TMED3: variants seen among roughly 807,000 people sequenced by gnomAD.
The protein encoded by TMED3 is transmembrane emp24 domain-containing protein 3.
TMED3 carries 9 observed loss-of-function variants against 15.0 expected under a neutral mutation model. The observed-to-expected ratio is 0.60, with a 90% CI of 0.36 to 1.04. TMED3 has a LOEUF of 1.04. TMED3 is among the 50% of genes least tolerant of loss of function. TMED3 has a pLI of 0.01. For missense variants in TMED3, 267 were observed against 278.9 expected, an observed-to-expected ratio of 0.96 and a Z score of 0.30; for synonymous variants, 117 against 121.4, an observed-to-expected ratio of 0.96 and a Z score of 0.24.
chr15:79,313,821 A>G lies in TMED3; in HGVS notation c.233A>G (p.Tyr78Cys), dbSNP rs1309105410. 3 of 1,614,246 alleles carry G rather than the reference A, an allele frequency of 1.9e-6. No individual in the cohort carries two copies. The highest frequency in any genetic ancestry group is 3.3e-5 in the Admixed American group (2 of 60,038). The change falls in exon 2 of 3, where the codon TAC becomes TGC. Residue 78 changes from tyrosine (Y) to cysteine (C), a missense_variant. By Grantham distance (194) the Tyr-to-Cys change is radical. This residue lies in a region of TMED3 where 69 missense variants were observed against 106.8 expected (regional missense o/e 0.65). Transcript: ENST00000299705. ...YVEDPQGNTI[Y>C]RETKKQYDSF... ...GAGGACCCCCAGGGGAACACCATCT[A>G]CAGAGAAACGAAGAAGCAGTACGAC... is the stretch of plus-strand genomic sequence containing the variant.
At chr15:79,344,868 T>C (rs932438073) in intron 2 of TMED3, among the ~76,000 whole-genome samples, 1 of 152,164 alleles carries the variant, frequency 6.6e-6, no homozygotes, top group Non-Finnish European at 1.5e-5. Flanking sequence ...GAGACAATGT[T>C]TTATAGGAGT....
At chr15:79,382,951 T>A in intron 2 of TMED3, 1 of 1,535,392 alleles carries the variant, frequency 6.5e-7, no homozygotes, top group Non-Finnish European at 8.7e-7. Context: ...ATAAACACGA[T>A]TTATTTCTTT....
At chr15:79,358,224 G>A (rs1016977066) in intron 2 of TMED3, among the ~76,000 whole-genome samples, 1 of 152,206 alleles carries the variant, frequency 6.6e-6, no homozygotes, top group Non-Finnish European at 1.5e-5. Flanking sequence ...GGAATTTTCT[G>A]GGGGCCTGCT....
chr15:79,390,295 T>C, intron 2 of TMED3, among the ~76,000 whole-genome samples: 1 of 152,198 alleles, frequency 6.6e-6, no homozygotes, highest in Non-Finnish European at 1.5e-5. Context: ...GTTATAATCA[T>C]GAAGCAATGA....
intron 2 of TMED3, among the ~76,000 whole-genome samples, chr15:79,347,765 A>G (rs2058876249): frequency 6.6e-6 from 1 of 152,190 alleles, no homozygotes; most frequent in Non-Finnish European, 1.5e-5. Flanking sequence ...CAAATCCAGG[A>G]ATGCAATCTC....
At position 79,311,390 on chromosome 15, in the gene TMED3, G is replaced by C. The variant is rs773225827; in HGVS notation, c.141G>C (p.Gln47His). 1.2e-6 allele frequency: 2 copies of C among 1,611,726 alleles called. No homozygotes were observed. The highest frequency in any genetic ancestry group is 3.3e-5 in the Admixed American group (2 of 59,910). The change falls in exon 1 of 3, where the codon CAG (glutamine) becomes CAC (histidine). Residue 47 changes from glutamine to histidine, a missense_variant. Gln to His is a conservative substitution (Grantham distance 24, BLOSUM62 0). Around this residue, in one of 3 missense-constraint regions of TMED3, gnomAD observed 69 missense variants for 106.8 expected, o/e 0.65. Coordinates refer to ENST00000299705, the MANE Select transcript of TMED3 (RefSeq NM_007364.4). ...AGTGCTTCCACGAGGAGGTGGAGCAGGGCGTGAAGTTCTCCCTGGATTACC... is the reference window on the plus strand; with the variant it reads ...AGTGCTTCCACGAGGAGGTGGAGCACGGCGTGAAGTTCTCCCTGGATTACC... ...AKQCFHEEVE[Q>H]GVKFSLDYQV...
chr15:79,369,550 G>A (rs749571257), intron 2 of TMED3, among the ~76,000 whole-genome samples: 4 of 152,160 alleles, frequency 2.6e-5, no homozygotes, highest in African/African-American at 7.2e-5. Flanking sequence ...ACCAGACCTC[G>A]CTCTTGTTAA....
chr15:79,354,932 A>C (rs532828065), intron 2 of TMED3, among the ~76,000 whole-genome samples: 50 of 152,212 alleles, frequency 3.3e-4, no homozygotes, highest in African/African-American at 1.1e-3. Context: ...TTAGCCCCAT[A>C]ATGCCCTCTA....
chr15:79,366,066 A>G (rs1401126075), intron 2 of TMED3, among the ~76,000 whole-genome samples: 3 of 152,138 alleles, frequency 2.0e-5, no homozygotes, highest in African/African-American at 7.2e-5. Context: ...GGACATATAA[A>G]CAAAAAGAGG....
At chr15:79,400,956 A>G (rs1399318482) in intron 2 of TMED3, among the ~76,000 whole-genome samples, 2 of 152,208 alleles carry the variant, frequency 1.3e-5, no homozygotes, top group Non-Finnish European at 2.9e-5. Context: ...CCTATTTTCT[A>G]GACCAGGAAC....
At chr15:79,385,623 C>T (rs182399596) in intron 2 of TMED3, among the ~76,000 whole-genome samples, 24 of 152,306 alleles carry the variant, frequency 1.6e-4, no homozygotes, top group Non-Finnish European at 2.1e-4. Context: ...GGTTGGGTGC[C>T]TGCAGCTGCA....
chr15:79,382,225 C>T (rs761860034), intron 2 of TMED3, among the ~76,000 whole-genome samples: 8 of 152,132 alleles, frequency 5.3e-5, no homozygotes, highest in African/African-American at 9.7e-5. Flanking sequence ...GCAAGCCATG[C>T]GCAGGTCATG....
chr15:79,369,228 C>T (rs1893293038), intron 2 of TMED3, among the ~76,000 whole-genome samples: 1 of 152,020 alleles, frequency 6.6e-6, no homozygotes. Flanking sequence ...GATTTATAAA[C>T]AAAAGCATGC....
intron 2 of TMED3, among the ~76,000 whole-genome samples, chr15:79,341,210 A>AAG (rs1481600858): frequency 1.8e-5 from 2 of 108,584 alleles, no homozygotes; most frequent in African/African-American, 7.3e-5. Context: ...AAAAAAAAAA[A>AAG]AAAAAAAAGG....
chr15:79,408,152 A>C (rs962691403), intron 2 of TMED3, among the ~76,000 whole-genome samples: 2 of 152,242 alleles, frequency 1.3e-5, no homozygotes, highest in Non-Finnish European at 1.5e-5. Flanking sequence ...CAAGGAAAAC[A>C]TTCTTCATCT....
At chr15:79,392,031 C>A (rs1298909514) in intron 2 of TMED3, among the ~76,000 whole-genome samples, 1 of 152,152 alleles carries the variant, frequency 6.6e-6, no homozygotes, top group Non-Finnish European at 1.5e-5. Flanking sequence ...GAGTTCTTAT[C>A]CATTCCGCAG....
chr15:79,411,130 C>T lies in TMED3; in HGVS notation c.418-270C>T, dbSNP rs533660244. ...TTGCAGAGATATTAGGTAACTCACCCGGGGTCACACAGGCATCCAGGGGAA... is the reference window on the plus strand; with the variant it reads ...TTGCAGAGATATTAGGTAACTCACCTGGGGTCACACAGGCATCCAGGGGAA... On this transcript the variant is annotated intron_variant, in intron 2 of 2. Coordinates refer to the TMED3 transcript ENST00000424155. 5.9e-5 allele frequency among the ~76,000 whole-genome samples: 9 copies of T among 152,210 alleles called. No individual in the cohort carries two copies. In the East Asian group the frequency reaches 9.7e-4, roughly 16 times the overall value.
rs1232883071 is a variant in TMED3, at chr15:79,311,334, C to G, written c.85C>G (p.Leu29Val). Residue 29 changes from leucine to valine, a missense_variant, in exon 1 of 3, where the codon CTC becomes GTC. By Grantham distance (32) the Leu-to-Val change is conservative. Transcript: ENST00000299705. ...GGCCGAGCAGCCCTGCGGGGCCGAGCTCACCTTCGAGCTGCCGGACAACGC... is the reference window on the plus strand; with the variant it reads ...GGCCGAGCAGCCCTGCGGGGCCGAGGTCACCTTCGAGCTGCCGGACAACGC... The part of the protein sequence containing the change: ...RRAEQPCGAE[L>V]TFELPDNAKQ... The G allele has an allele frequency of 6.2e-7, 1 of 1,611,070 alleles. No homozygotes were observed.
At position 79,392,936 on chromosome 15, in the gene TMED3, A is replaced by C. The variant is rs189659191; in HGVS notation, c.418-18464A>C. 7.0e-4 allele frequency among the ~76,000 whole-genome samples: 106 copies of C among 152,286 alleles called. No homozygotes were observed. The East Asian group carries it at 0.016, about 23-fold the overall frequency. The stretch of plus-strand genomic sequence containing the variant: ...GAGGTTGCAGACCTTTGGCATCCCA[A>C]CTTAAATTGGAATCTTTATCCTTCT... On this transcript the variant is annotated intron_variant, in intron 2 of 2. Transcript: ENST00000424155.
Sources: allele counts gnomAD v4.1 joint callset (sites outside exome capture counted in the v4.1 genomes callset), GRCh38; gene constraint gnomAD v4.1.1; regional missense constraint gnomAD v4.1.1; transcripts MANE v1.5; gene names NCBI Gene and HGNC (gene_info 2026-07-23, HGNC 2026-07-21).